Variants in TENM3 observed in about 807,000 individuals in gnomAD.
The protein encoded by TENM3 is teneurin-3.
TENM3 carries 63 observed loss-of-function variants against 255.1 expected under a neutral mutation model. The ratio of observed to expected loss-of-function variants is 0.25; its 90% CI spans 0.20 to 0.30. TENM3 has a LOEUF of 0.30. Ranked by LOEUF, TENM3 falls within the 10% of genes least tolerant of loss-of-function variation. TENM3 has a pLI of 1.00. For missense variants in TENM3, 2,929 were observed against 3,461.1 expected, an observed-to-expected ratio of 0.85 and a Z score of 3.86; for synonymous variants, 1,306 against 1,322.3, an observed-to-expected ratio of 0.99 and a Z score of 0.27.
chr4:182,740,382 T>A (rs376249214), intron 18 of TENM3, among the ~76,000 whole-genome samples: 12 of 152,354 alleles, frequency 7.9e-5, no homozygotes, highest in African/African-American at 2.6e-4. Context: ...GTTATATTAG[T>A]AGCACAAGGT....
At chr4:181,534,235 C>CAAA in the TENM3 span, among the ~76,000 whole-genome samples, 97 of 112,394 alleles carry the variant, frequency 8.6e-4, no homozygotes, top group Non-Finnish European at 9.9e-4. Context: ...GACTCCACCT[C>CAAA]AAAAAAAAAA....
intron 11 of TENM3, among the ~76,000 whole-genome samples, chr4:182,687,235 T>G (rs1328355560): frequency 6.6e-6 from 1 of 152,160 alleles, no homozygotes; most frequent in Non-Finnish European, 1.5e-5. Flanking sequence ...TAATCAATAG[T>G]CTTAGAATTT....
At chr4:181,932,662 G>T in the TENM3 span, among the ~76,000 whole-genome samples, 1 of 152,174 alleles carries the variant, frequency 6.6e-6, no homozygotes, top group Non-Finnish European at 1.5e-5. Flanking sequence ...TCCCATTACT[G>T]GGTGTATACC....
intron 27 of TENM3, among the ~76,000 whole-genome samples, chr4:182,798,283 C>T (rs940086220): frequency 6.6e-6 from 1 of 152,226 alleles, no homozygotes; most frequent in Non-Finnish European, 1.5e-5. Context: ...GCTAGGATTA[C>T]AGGCATGAGC....
At chr4:181,915,673 G>A in the TENM3 span, among the ~76,000 whole-genome samples, 67 of 142,114 alleles carry the variant, frequency 4.7e-4, no homozygotes, top group Non-Finnish European at 1.2e-4. Context: ...AGGGGAGGAC[G>A]GAAGGGGAGG....
chr4:182,431,386 C>T lies in TENM3; in HGVS notation c.511+84457C>T, dbSNP rs182619073. ...GCACATGCCTGTAGTCCCAGCTACT[C>T]AGGAGGCTGAGGCAGAAGAATAGCT... On this transcript the variant is annotated intron_variant, in intron 3 of 27. Transcript: ENST00000511685. Among the ~76,000 whole-genome samples, 4 of 152,018 alleles carry T rather than the reference C, an allele frequency of 2.6e-5. No individual in the cohort carries two copies. The East Asian group carries it at 7.8e-4, about 30-fold the overall frequency.
intron 3 of TENM3, among the ~76,000 whole-genome samples, chr4:182,428,857 A>G (rs1771424670): frequency 6.6e-6 from 1 of 152,146 alleles, no homozygotes; most frequent in South Asian, 2.1e-4. Flanking sequence ...TCTGTCTCTG[A>G]TGGTAACTAA....
chr4:182,219,257 A>G (rs186494288), intron 1 of TENM3, among the ~76,000 whole-genome samples: 5 of 152,114 alleles, frequency 3.3e-5, no homozygotes, highest in Admixed American at 2.6e-4. Flanking sequence ...AATAAAAACC[A>G]TAATATATTT....
At chr4:181,938,090 A>G in the TENM3 span, among the ~76,000 whole-genome samples, 2 of 152,208 alleles carry the variant, frequency 1.3e-5, no homozygotes, top group East Asian at 1.9e-4. Context: ...AGTAATTTCA[A>G]GTAGATCTTA....
Position 182,397,235 on chromosome 4 carries a change from T to TAA in TENM3, c.511+50316_511+50317dup, listed in dbSNP as rs11429827. On this transcript the variant is annotated intron_variant, in intron 3 of 27. Transcript: ENST00000511685. ...GACAAGTAAGAAGTAGTTTTTAACATAAAAAAAAAAATCAAATTAGCTGGG... is the reference window on the plus strand; with the variant it reads ...GACAAGTAAGAAGTAGTTTTTAACATAAAAAAAAAAAAATCAAATTAGCTGGG... Among the ~76,000 whole-genome samples the TAA allele has an allele frequency of 6.4e-3, 913 of 143,430 alleles. 7 individuals are homozygous for TAA. Among genetic ancestry groups the TAA allele is most frequent in the African/African-American group, 0.021 (835 of 39,158 alleles). The allele number at this position is 143,430 out of a possible 152,430, so 94.1% of individuals were successfully genotyped here.
At chr4:182,461,952 C>T (rs759504660) in intron 3 of TENM3, among the ~76,000 whole-genome samples, 9 of 152,158 alleles carry the variant, frequency 5.9e-5, no homozygotes, top group Non-Finnish European at 1.0e-4. Flanking sequence ...TTACTATTAG[C>T]GTGGCTTTTT....
the TENM3 span, among the ~76,000 whole-genome samples, chr4:181,676,920 C>T: frequency 1.3e-5 from 2 of 151,854 alleles, no homozygotes; most frequent in Non-Finnish European, 2.9e-5. Context: ...ACCTTATTAA[C>T]CATTTCTTTC....
the TENM3 span, chr4:181,976,600 A>G: frequency 6.6e-6 from 1 of 152,218 alleles, no homozygotes; most frequent in South Asian, 2.1e-4. Context: ...GTTGCTGTCA[A>G]CTGAGATGTG....
intron 1 of TENM3, among the ~76,000 whole-genome samples, chr4:182,300,128 C>A (rs1049845089): frequency 1.3e-5 from 2 of 152,088 alleles, no homozygotes; most frequent in Admixed American, 1.3e-4. Context: ...GTTGGCAAGG[C>A]TGGTCTTGAA....
intron 26 of TENM3, among the ~76,000 whole-genome samples, chr4:182,794,253 T>C (rs1003492631): frequency 2.6e-5 from 4 of 152,136 alleles, no homozygotes; most frequent in Non-Finnish European, 5.9e-5. Flanking sequence ...GCAAGCCATA[T>C]GTTTTTTGAG....
At chr4:182,647,616 A>G (rs1049622765) in intron 5 of TENM3, among the ~76,000 whole-genome samples, 1 of 152,154 alleles carries the variant, frequency 6.6e-6, no homozygotes, top group Non-Finnish European at 1.5e-5. Flanking sequence ...TTCTTTATCC[A>G]TTCATCCATT....
At chr4:181,723,747 A>G in the TENM3 span, among the ~76,000 whole-genome samples, 1 of 152,034 alleles carries the variant, frequency 6.6e-6, no homozygotes, top group South Asian at 2.1e-4. Context: ...GTGGGCAGAG[A>G]ACTAAGTGGA....
chr4:182,679,186 T>G (rs181063048), intron 7 of TENM3, among the ~76,000 whole-genome samples: 1 of 150,518 alleles, frequency 6.6e-6, no homozygotes. Flanking sequence ...TCTGCACATG[T>G]ACCCCAGAAC....
At chr4:181,822,930 A>G in the TENM3 span, among the ~76,000 whole-genome samples, 9 of 152,186 alleles carry the variant, frequency 5.9e-5, no homozygotes, top group African/African-American at 2.2e-4. Context: ...TATGATTATT[A>G]GCTTTAATTA....
Sources: allele counts gnomAD v4.1 joint callset (sites outside exome capture counted in the v4.1 genomes callset), GRCh38; gene constraint gnomAD v4.1.1; transcripts MANE v1.5; gene names NCBI Gene and HGNC (gene_info 2026-07-23, HGNC 2026-07-21).